Variants in DYNLT2B observed in about 807,000 individuals in gnomAD.
The protein encoded by DYNLT2B is dynein light chain Tctex-type 2B, also known as dynein light chain Tctex-type protein 2B.
In DYNLT2B, 14 loss-of-function variants were observed where a neutral mutation model predicts 19.5. The ratio of observed to expected loss-of-function variants is 0.72; its 90% CI spans 0.47 to 1.12. The LOEUF is 1.12. Ranked by LOEUF, DYNLT2B falls within the 50% of genes most tolerant of loss-of-function variation. The pLI is 0.00. For synonymous variants in DYNLT2B, 70 were observed against 59.7 expected (o/e 1.17, Z -0.79); for missense variants, 133 against 174.7 (o/e 0.76, Z 1.35).
chr3:196,305,221 A>G (rs1353419541), intron 3 of DYNLT2B, among the ~76,000 whole-genome samples: 1 of 152,118 alleles, frequency 6.6e-6, no homozygotes, highest in Admixed American at 6.6e-5. Flanking sequence ...TCCATCTGAC[A>G]ATATCTGAAC....
chr3:196,291,836 G>A (rs1159155843), intron 4 of DYNLT2B, among the ~76,000 whole-genome samples: 3 of 152,188 alleles, frequency 2.0e-5, no homozygotes, highest in Non-Finnish European at 4.4e-5. Context: ...GGTTTCCAGA[G>A]TATAGCTACA....
At chr3:196,300,100 TG>T (rs1726314831) in intron 3 of DYNLT2B, among the ~76,000 whole-genome samples, 1 of 152,156 alleles carries the variant, frequency 6.6e-6, no homozygotes, top group Non-Finnish European at 1.5e-5. Context: ...GGCCTCTAAC[TG>T]GAACAGACGA....
At chr3:196,293,169 C>T (rs1179968184) in intron 4 of DYNLT2B, among the ~76,000 whole-genome samples, 1 of 151,564 alleles carries the variant, frequency 6.6e-6, no homozygotes, top group Non-Finnish European at 1.5e-5. Flanking sequence ...TTTTTTATTA[C>T]ATATTTGTTC....
At chr3:196,301,721 AAT>A (rs1726361030) in intron 3 of DYNLT2B, among the ~76,000 whole-genome samples, 1 of 151,854 alleles carries the variant, frequency 6.6e-6, no homozygotes, top group South Asian at 2.1e-4. Context: ...TCAAAAATAA[AAT>A]AAAATAAAAT....
intron 2 of DYNLT2B, among the ~76,000 whole-genome samples, chr3:196,312,873 T>C (rs1726678833): frequency 6.6e-6 from 1 of 152,124 alleles, no homozygotes; most frequent in Admixed American, 6.6e-5. Context: ...AATCTCATCA[T>C]CTAGGAGTTG....
chr3:196,308,540 G>C (rs1195993955), intron 2 of DYNLT2B, among the ~76,000 whole-genome samples: 2 of 152,190 alleles, frequency 1.3e-5, no homozygotes, highest in African/African-American at 4.8e-5. Context: ...AATGGAATGG[G>C]CATTTTTGAA....
chr3:196,295,986 A>G lies in DYNLT2B; in HGVS notation c.381+20T>C, dbSNP rs1306470196. ...GCCCACGTTCTTAGAAAGGGAAAAG[A>G]GGTTTCCAAATACACTTACATTCAT... On this transcript the variant is annotated intron_variant, in intron 4 of 4. Coordinates refer to ENST00000325318, the MANE Select transcript of DYNLT2B (RefSeq NM_152773.5). The G allele has an allele frequency of 2.1e-5, 34 of 1,606,908 alleles. No homozygotes were observed. The highest frequency in any genetic ancestry group is 2.8e-5 in the Non-Finnish European group (33 of 1,174,604).
At chr3:196,314,368 C>T (rs989871568) in intron 2 of DYNLT2B, among the ~76,000 whole-genome samples, 3 of 147,472 alleles carry the variant, frequency 2.0e-5, no homozygotes, top group Non-Finnish European at 4.5e-5. Flanking sequence ...GAGGCTGAGG[C>T]GGGAGGATCA....
chr3:196,310,024 C>T (rs1010725051), intron 2 of DYNLT2B, among the ~76,000 whole-genome samples: 28 of 152,008 alleles, frequency 1.8e-4, no homozygotes, highest in African/African-American at 5.1e-4. Context: ...AGAGTTATTC[C>T]TCACAATTAA....
chr3:196,306,618 G>A (rs1726496227), intron 3 of DYNLT2B, among the ~76,000 whole-genome samples: 1 of 151,890 alleles, frequency 6.6e-6, no homozygotes, highest in African/African-American at 2.4e-5. Context: ...ACACGATCTT[G>A]GCTCACTGCA....
intron 3 of DYNLT2B, chr3:196,298,232 A>C: frequency 3.7e-6 from 1 of 269,774 alleles, no homozygotes; most frequent in Admixed American, 3.8e-5. Flanking sequence ...AAGCAGAATC[A>C]AGCACACACC....
chr3:196,298,246 A>G (rs73212152), intron 3 of DYNLT2B: 15,487 of 213,536 alleles, frequency 0.073, 626 homozygotes, highest in South Asian at 0.13. Context: ...ACACACCACA[A>G]GAGAGAGTTG....
intron 1 of DYNLT2B, among the ~76,000 whole-genome samples, chr3:196,317,169 GTGTGTGTGTGTGT>G: frequency 8.3e-6 from 1 of 120,352 alleles, no homozygotes; most frequent in Non-Finnish European, 1.7e-5. Flanking sequence ...GTGTGTGTGT[GTGTGTGTGTGTGT>G]TGTGTGTGTG....
chr3:196,306,241 T>A (rs1726481111), intron 3 of DYNLT2B, among the ~76,000 whole-genome samples: 1 of 125,956 alleles, frequency 7.9e-6, no homozygotes, highest in Non-Finnish European at 1.6e-5. Flanking sequence ...GTGTGACCCA[T>A]CTCTGCAAAA....
chr3:196,307,138 T>C, intron 2 of DYNLT2B, 126 bp from the exon 3 acceptor site: 4 of 767,536 alleles, frequency 5.2e-6, no homozygotes, highest in Non-Finnish European at 8.6e-6. Context: ...GGTGGTAAGC[T>C]TGGGGGTCAG....
At chr3:196,295,957 C>A in intron 4 of DYNLT2B, 49 bp downstream of exon 4, 1 of 1,469,064 alleles carries the variant, frequency 6.8e-7, no homozygotes, top group South Asian at 1.2e-5. Context: ...GTTTGATTTG[C>A]GGTGCCCACG....
chr3:196,297,411 G>C (rs1381359904), intron 3 of DYNLT2B, among the ~76,000 whole-genome samples: 1 of 152,070 alleles, frequency 6.6e-6, no homozygotes, highest in Admixed American at 6.6e-5. Context: ...TGTAATCCCA[G>C]CTACTCGGGA....
chr3:196,303,054 T>C (rs1726395870), intron 3 of DYNLT2B, among the ~76,000 whole-genome samples: 1 of 152,162 alleles, frequency 6.6e-6, no homozygotes, highest in Non-Finnish European at 1.5e-5. Context: ...GATCAGCGCT[T>C]GAGATATTTT....
chr3:196,295,978 G>T, intron 4 of DYNLT2B, 28 bp downstream of exon 4: 1 of 1,597,700 alleles, frequency 6.3e-7, no homozygotes, highest in Non-Finnish European at 8.6e-7. Flanking sequence ...TTCTTAGAAA[G>T]GGAAAAGAGG....
Sources: allele counts gnomAD v4.1 joint callset (sites outside exome capture counted in the v4.1 genomes callset), GRCh38; gene constraint gnomAD v4.1.1; transcripts MANE v1.5; gene names NCBI Gene and HGNC (gene_info 2026-07-23, HGNC 2026-07-21).